The following CNTNAP5 variants were observed in gnomAD, a reference collection of about 807,000 sequenced individuals.
CNTNAP5 encodes the protein contactin associated protein family member 5.
A neutral mutation model predicts 150.2 loss-of-function variants in CNTNAP5; 72 were observed. The observed-to-expected ratio is 0.48, with a 90% CI of 0.40 to 0.58. CNTNAP5 has a LOEUF of 0.58. Ranked by LOEUF, CNTNAP5 falls within the 20% of genes least tolerant of loss-of-function variation. CNTNAP5 has a pLI of 0.00. For synonymous variants in CNTNAP5, 672 were observed against 619.8 expected (o/e 1.08, Z -1.25); for missense variants, 1,636 against 1,626.2 (o/e 1.01, Z -0.10).
At chr2:124,624,166 G>A (rs912804903) in intron 12 of CNTNAP5, among the ~76,000 whole-genome samples, 1 of 152,106 alleles carries the variant, frequency 6.6e-6, no homozygotes, top group East Asian at 1.9e-4. Context: ...CTGCTAAATT[G>A]GGCCATTAAA....
At chr2:124,418,928 A>T (rs1290194264) in intron 4 of CNTNAP5, among the ~76,000 whole-genome samples, 1 of 151,114 alleles carries the variant, frequency 6.6e-6, no homozygotes, top group South Asian at 2.1e-4. Flanking sequence ...AGGTCAGGAG[A>T]TCGAGACCAT....
chr2:124,128,260 C>T (rs1319560869), intron 1 of CNTNAP5, among the ~76,000 whole-genome samples: 1 of 152,114 alleles, frequency 6.6e-6, no homozygotes, highest in Admixed American at 6.5e-5. Context: ...AGGATATGAA[C>T]AGACACTACC....
intron 10 of CNTNAP5, among the ~76,000 whole-genome samples, chr2:124,557,282 G>T (rs985669491): frequency 7.2e-5 from 11 of 151,746 alleles, no homozygotes; most frequent in African/African-American, 2.7e-4. Flanking sequence ...CTCCTTGCCT[G>T]TGGCTGCACA....
At chr2:124,326,521 G>C (rs1161649311) in intron 3 of CNTNAP5, among the ~76,000 whole-genome samples, 1 of 152,186 alleles carries the variant, frequency 6.6e-6, no homozygotes, top group Non-Finnish European at 1.5e-5. Flanking sequence ...TATTAAAGCA[G>C]CTAAGAACAT....
chr2:124,513,984 A>G (rs773429772), intron 8 of CNTNAP5, among the ~76,000 whole-genome samples: 10 of 152,230 alleles, frequency 6.6e-5, no homozygotes, highest in Non-Finnish European at 7.3e-5. Flanking sequence ...CTCTGCTTCA[A>G]TTAAGTTGTC....
At chr2:124,342,255 C>T (rs1412404569) in intron 3 of CNTNAP5, among the ~76,000 whole-genome samples, 1 of 152,102 alleles carries the variant, frequency 6.6e-6, no homozygotes, top group Admixed American at 6.5e-5. Context: ...TCAAATTAGG[C>T]TTTTAAAAGG....
At chr2:124,607,024 T>G (rs1469410546) in intron 11 of CNTNAP5, among the ~76,000 whole-genome samples, 1 of 152,242 alleles carries the variant, frequency 6.6e-6, no homozygotes, top group Admixed American at 6.5e-5. Context: ...GTGCCATATG[T>G]GGATTGTGTC....
intron 1 of CNTNAP5, among the ~76,000 whole-genome samples, chr2:124,074,516 C>T (rs1291325465): frequency 6.6e-6 from 1 of 151,972 alleles, no homozygotes; most frequent in Non-Finnish European, 1.5e-5. Context: ...TTAAAGGGAG[C>T]AAGTGAGAAC....
intron 10 of CNTNAP5, among the ~76,000 whole-genome samples, chr2:124,555,575 A>C (rs7601825): frequency 0.079 from 11,971 of 152,292 alleles, 524 homozygotes; most frequent in African/African-American, 0.11. Context: ...TTTGCAATAA[A>C]AAGTTTGGTA....
chr2:124,057,569 C>T (rs991320553), intron 1 of CNTNAP5, among the ~76,000 whole-genome samples: 1 of 150,322 alleles, frequency 6.7e-6, no homozygotes, highest in Non-Finnish European at 1.5e-5. Flanking sequence ...GGATTACAGG[C>T]ATGAGCCACC....
rs191254531 is a variant in CNTNAP5 at position 124,679,214 on chromosome 2, T to A, written c.2077+31256T>A. 2.2e-3 allele frequency among the ~76,000 whole-genome samples: 330 copies of A among 151,688 alleles called. 3 individuals are homozygous for A. The highest frequency in any genetic ancestry group is 7.7e-3 in the African/African-American group (318 of 41,464). On this transcript the variant is annotated intron_variant, in intron 13 of 23. Coordinates refer to ENST00000682447, the MANE Select transcript of CNTNAP5 (RefSeq NM_001367498.1). The stretch of plus-strand genomic sequence containing the variant: ...ATAAATAAAACTGGTAAATGATGGA[T>A]CTCCTCAAGGAGATGAATTGAGCCA...
chr2:124,301,622 C>A (rs1473249771), intron 3 of CNTNAP5, among the ~76,000 whole-genome samples: 1 of 152,186 alleles, frequency 6.6e-6, no homozygotes, highest in Non-Finnish European at 1.5e-5. Context: ...TCACTGTGTA[C>A]TTCCTAAAAC....
intron 1 of CNTNAP5, among the ~76,000 whole-genome samples, chr2:124,101,137 A>T (rs1295988476): frequency 6.6e-6 from 1 of 152,162 alleles, no homozygotes; most frequent in Non-Finnish European, 1.5e-5. Context: ...GATTCACAAT[A>T]ATCATGTTGC....
At chr2:124,786,555 AAG>A (rs1681602065) in intron 17 of CNTNAP5, among the ~76,000 whole-genome samples, 1 of 151,772 alleles carries the variant, frequency 6.6e-6, no homozygotes. Context: ...AAAGGAAAGA[AAG>A]AAAGAAGACA....
chr2:124,884,287 GTC>G (rs1449302556), intron 21 of CNTNAP5, among the ~76,000 whole-genome samples: 1 of 151,970 alleles, frequency 6.6e-6, no homozygotes, highest in African/African-American at 2.4e-5. Context: ...GTACATGCAT[GTC>G]TCTGTGTGTG....
chr2:124,135,370 G>C (rs1447548624), intron 1 of CNTNAP5, among the ~76,000 whole-genome samples: 3 of 152,198 alleles, frequency 2.0e-5, no homozygotes, highest in Non-Finnish European at 2.9e-5. Flanking sequence ...AAGGGACCTT[G>C]GGCTGGCCCG....
At chr2:124,660,677 G>C (rs567420157) in intron 13 of CNTNAP5, among the ~76,000 whole-genome samples, 2 of 151,962 alleles carry the variant, frequency 1.3e-5, no homozygotes, top group African/African-American at 2.4e-5. Flanking sequence ...TTAATTCACA[G>C]CCTGTTGCTG....
intron 12 of CNTNAP5, among the ~76,000 whole-genome samples, chr2:124,634,353 T>C (rs1188074537): frequency 2.6e-5 from 4 of 152,144 alleles, no homozygotes; most frequent in African/African-American, 9.7e-5. Flanking sequence ...AAATCATCAC[T>C]CTCAAATTCA....
At chr2:124,506,437 A>G (rs1271621845) in intron 8 of CNTNAP5, among the ~76,000 whole-genome samples, 1 of 152,070 alleles carries the variant, frequency 6.6e-6, no homozygotes, top group Non-Finnish European at 1.5e-5. Context: ...TCTGGGCCCA[A>G]TATACTTTGC....
Sources: allele counts gnomAD v4.1 joint callset (sites outside exome capture counted in the v4.1 genomes callset), GRCh38; gene constraint gnomAD v4.1.1; transcripts MANE v1.5; gene names NCBI Gene and HGNC (gene_info 2026-07-23, HGNC 2026-07-21).